The following CDK10 variants were observed in gnomAD, a reference collection of about 807,000 sequenced individuals.
CDK10 encodes cyclin-dependent kinase 10.
Under a neutral mutation model 51.0 loss-of-function variants are expected in CDK10, and 55 were observed. That is an observed-to-expected ratio of 1.08 (90% CI 0.87 to 1.35). The LOEUF is 1.35. Ranked by LOEUF, CDK10 falls within the 40% of genes most tolerant of loss-of-function variation. CDK10 has a pLI of 0.00. For missense variants in CDK10, 589 were observed against 485.1 expected (o/e 1.21, Z -2.01); for synonymous variants, 255 against 199.1 (o/e 1.28, Z -2.36).
In CDK10 at chr16:89,687,522, C is replaced by T. The variant is rs1236072204; in HGVS notation, c.87+725C>T. ...CAGCAGGCGCTCACCGCGTTGAGAG[C>T]CGTGTGCTGGACTCTGGGGTGAAGT... On this transcript the variant is annotated intron_variant, in intron 1 of 12. Coordinates refer to ENST00000353379, the MANE Select transcript of CDK10 (RefSeq NM_052988.5). 1.8e-5 allele frequency: 8 copies of T among 456,016 alleles called. No individual in the cohort carries two copies. The East Asian group carries it at 3.5e-4, about 20-fold the overall frequency. The allele number at this position is 456,016 out of a possible 1,614,324, so 28.2% of individuals were successfully genotyped here.
chr16:89,695,102 T>A, intron 11 of CDK10, 32 bp downstream of exon 11: 1 of 1,600,172 alleles, frequency 6.2e-7, no homozygotes, highest in Non-Finnish European at 8.5e-7. Flanking sequence ...GCAGGGACCC[T>A]CACCACCCAC....
rs2060549375 is a variant in CDK10 at position 89,693,447 on chromosome 16, C to G, written c.588C>G (p.Thr196=). The part of the protein sequence containing the change: ...RAYGVPVKPM[T]PKVVTLWYRA... ...ATGGTGTCCCAGTAAAGCCAATGAC[C>G]CCCAAGGTGGTCACTCTCTGGTAAG... is the stretch of plus-strand genomic sequence containing the variant. Residue 196 remains threonine, a synonymous_variant, in exon 8 of 13, where the codon ACC becomes ACG. Coordinates refer to ENST00000353379, the MANE Select transcript of CDK10 (RefSeq NM_052988.5). The G allele has an allele frequency of 6.2e-7, 1 of 1,614,194 alleles. No individual in the cohort carries two copies. The highest frequency in any genetic ancestry group is 2.2e-5 in the East Asian group (1 of 44,888).
intron 5 of CDK10, 68 bp downstream of exon 5, chr16:89,691,955 G>A (rs774996600): frequency 3.8e-5 from 51 of 1,328,136 alleles, no homozygotes; most frequent in African/African-American, 2.2e-4. Context: ...CATTTATAAC[G>A]AAACAGGGCA....
intron 11 of CDK10, 22 bp downstream of exon 11, chr16:89,695,092 G>A (rs752401658): frequency 1.9e-6 from 3 of 1,605,068 alleles, no homozygotes; most frequent in East Asian, 2.2e-5. Flanking sequence ...TGCACGGGGG[G>A]CAGGGACCCT....
At chr16:89,688,008 G>T (rs958449969) in intron 1 of CDK10, among the ~76,000 whole-genome samples, 3 of 150,322 alleles carry the variant, frequency 2.0e-5, no homozygotes, top group African/African-American at 4.9e-5. Flanking sequence ...GCCCAGGTTT[G>T]ATACTGAGGG....
At chr16:89,694,360 TCC>T (rs1276437326) in intron 9 of CDK10, 128 bp downstream of exon 9, 1 of 1,037,728 alleles carries the variant, frequency 9.6e-7, no homozygotes, top group Non-Finnish European at 1.5e-6. Flanking sequence ...AGCCTCCCAC[TCC>T]CAGGGAGGTG....
At position 89,694,998 on chromosome 16, in the gene CDK10, A is replaced by G. The variant is rs749401269; in HGVS notation, c.860A>G (p.His287Arg). 1.2e-6 allele frequency: 2 copies of G among 1,613,480 alleles called. No individual in the cohort carries two copies. Among genetic ancestry groups the G allele is most frequent in the East Asian group, 2.2e-5 (1 of 44,884 alleles). Residue 287 changes from histidine to arginine, a missense_variant, in exon 11 of 13, where the codon CAC becomes CGC. Transcript: ENST00000353379. Reference sequence around the variant, plus strand: ...AAGCAGCCCTACAACAACCTGAAGCACAAGTTCCCATGGCTGTCGGAGGCC... The same window carrying G: ...AAGCAGCCCTACAACAACCTGAAGCGCAAGTTCCCATGGCTGTCGGAGGCC... ...LRKQPYNNLK[H>R]KFPWLSEAGL...
Position 89,696,273 on chromosome 16 carries a change from C to A in CDK10, c.*581C>A. The A allele has an allele frequency of 4.4e-6, 1 of 227,066 alleles. No homozygotes were observed. Among genetic ancestry groups the A allele is most frequent in the Non-Finnish European group, 8.8e-6 (1 of 113,756 alleles). 14.1% of individuals were successfully genotyped at this position (227,066 alleles called of 1,614,324 possible). A position where few individuals can be genotyped will look rare whatever the true frequency, so the allele number is the denominator to read the frequency against. ...GGCTGAGCTGCATCCCTGCTCCCCACATGGAGGACCCAACAGGAGGCCGTG... is the reference window on the plus strand; with the variant it reads ...GGCTGAGCTGCATCCCTGCTCCCCAAATGGAGGACCCAACAGGAGGCCGTG... On this transcript the variant is annotated 3_prime_UTR_variant, in exon 13 of 13. Coordinates refer to ENST00000353379, the MANE Select transcript of CDK10 (RefSeq NM_052988.5).
chr16:89,690,951 T>C (rs1597849487), intron 3 of CDK10, among the ~76,000 whole-genome samples: 1 of 152,054 alleles, frequency 6.6e-6, no homozygotes, highest in East Asian at 1.9e-4. Flanking sequence ...TCCACGGTGT[T>C]TAGAGAGGTG....
At position 89,692,473 on chromosome 16, in the gene CDK10, C is replaced by G; in HGVS notation, c.442C>G (p.Leu148Val). ...GGTCAAGTGCATCGTGCTGCAGGTG[C>G]TCCGGGGCCTCCAGTATCTGCACAG... ...AQVKCIVLQV[L>V]RGLQYLHRNF... is the part of the protein sequence containing the mutation. The change falls in exon 6 of 13, where the codon CTC (leucine) becomes GTC (valine). Residue 148 changes from leucine to valine, a missense_variant. Transcript: ENST00000353379. 1 of 1,597,098 alleles carries G rather than the reference C, an allele frequency of 6.3e-7. No homozygotes were observed. The highest frequency in any genetic ancestry group is 1.1e-5 in the South Asian group (1 of 89,326).
chr16:89,687,208 A>C (rs1216541766), intron 1 of CDK10: 2 of 310,944 alleles, frequency 6.4e-6, no homozygotes, highest in East Asian at 1.6e-4. Flanking sequence ...CTTGGGCTGC[A>C]TGGAGCGGGG....
chr16:89,691,498 G>A lies in CDK10; in HGVS notation c.288G>A (p.Pro96=), dbSNP rs772182758. The change falls in exon 4 of 13, where the codon CCG becomes CCA. Residue 96 remains proline (P), a synonymous_variant. Coordinates refer to ENST00000353379, the MANE Select transcript of CDK10 (RefSeq NM_052988.5). ...CGCTGCTGCTCCGCCTGCGTCATCCGAACATCGTGGAGCTGAAGGAGGTGG... is the reference window on the plus strand; with the variant it reads ...CGCTGCTGCTCCGCCTGCGTCATCCAAACATCGTGGAGCTGAAGGAGGTGG... The part of the protein sequence containing the change: ...EITLLLRLRH[P]NIVELKEVVV... 5.3e-5 allele frequency: 86 copies of A among 1,613,834 alleles called. No individual in the cohort carries two copies. The highest frequency in any genetic ancestry group is 6.7e-5 in the African/African-American group (5 of 74,920).
intron 1 of CDK10, 123 bp from the exon 2 acceptor site, chr16:89,689,129 G>A (rs1005874101): frequency 1.2e-6 from 1 of 821,112 alleles, no homozygotes. Context: ...CCAAACGTGT[G>A]GTTGCCTTTC....
intron 1 of CDK10, among the ~76,000 whole-genome samples, chr16:89,688,317 C>A (rs1204609252): frequency 1.3e-5 from 2 of 151,952 alleles, no homozygotes; most frequent in Non-Finnish European, 2.9e-5. Flanking sequence ...CTCCTGACTT[C>A]GTGATCCACC....
intron 6 of CDK10, 102 bp from the exon 7 acceptor site, chr16:89,693,172 G>A (rs2060532259): frequency 8.1e-6 from 8 of 992,058 alleles, no homozygotes; most frequent in Non-Finnish European, 1.2e-5. Context: ...AAAGCCCAAA[G>A]CTGAGGAAAC....
chr16:89,693,402 T>C lies in CDK10; in HGVS notation c.543T>C (p.Asp181=). 1 of 1,614,112 alleles carries C rather than the reference T, an allele frequency of 6.2e-7. No homozygotes were observed. Among genetic ancestry groups the C allele is most frequent in the Non-Finnish European group, 8.5e-7 (1 of 1,180,018 alleles). The part of the protein sequence containing the change: ...MTDKGCVKTA[D]FGLARAYGVP... ...ACACTCCCCTCTCTGCTGCAGCGGA[T>C]TTCGGCCTGGCCCGGGCCTATGGTG... The change falls in exon 8 of 13, where the codon GAT becomes GAC. Residue 181 remains aspartate, a synonymous_variant. Transcript: ENST00000353379.
At chr16:89,694,145 G>T (rs142858377) in intron 8 of CDK10, 28 bp from the exon 9 acceptor site, 169 of 1,611,736 alleles carry the variant, frequency 1.0e-4, no homozygotes, top group Non-Finnish European at 1.3e-4. Context: ...GGAGCCGGCT[G>T]TATTGAGGTG....
intron 1 of CDK10, chr16:89,687,023 C>A: frequency 2.2e-6 from 1 of 454,514 alleles, no homozygotes; most frequent in Non-Finnish European, 3.9e-6. Flanking sequence ...CTCAGGGATG[C>A]CTCGCGCCCG....
chr16:89,694,256 C>T, intron 9 of CDK10, 24 bp downstream of exon 9: 1 of 1,612,432 alleles, frequency 6.2e-7, no homozygotes, highest in African/African-American at 1.3e-5. Context: ...GTTACCGCTC[C>T]TGGGGCCTCA....
Sources: gnomAD v4.1 joint callset for allele counts (sites outside exome capture counted in the v4.1 genomes callset) on GRCh38, gnomAD v4.1.1 for gene constraint, MANE v1.5 for transcripts, NCBI Gene and HGNC (gene_info 2026-07-23, HGNC 2026-07-21) for gene names.